The following MYPN variants were observed in gnomAD, a reference collection of about 807,000 sequenced individuals.
MYPN encodes the protein myopalladin.
Under a neutral mutation model 129.4 loss-of-function variants are expected in MYPN, and 63 were observed. The observed-to-expected ratio is 0.49, with a 90% CI of 0.40 to 0.60. MYPN has a LOEUF of 0.60. Among genes scored for constraint, MYPN ranks in the 20% least tolerant of loss-of-function variants. MYPN has a pLI of 0.00. For missense variants in MYPN, 1,596 were observed against 1,635.4 expected, an observed-to-expected ratio of 0.98 and a Z score of 0.42; for synonymous variants, 629 against 600.9, an observed-to-expected ratio of 1.05 and a Z score of -0.68.
chr10:68,203,718 C>CAG (rs1338807696), intron 18 of MYPN, among the ~76,000 whole-genome samples: 24 of 69,348 alleles, frequency 3.5e-4, no homozygotes, highest in African/African-American at 6.4e-4. Context: ...CACATACACA[C>CAG]ACAGAGAGAG....
intron 1 of MYPN, among the ~76,000 whole-genome samples, chr10:68,114,481 T>C (rs1363807057): frequency 6.6e-6 from 1 of 152,056 alleles, no homozygotes; most frequent in East Asian, 1.9e-4. Context: ...CCCAGGTAAC[T>C]GGGATTACAG....
intron 3 of MYPN, among the ~76,000 whole-genome samples, chr10:68,145,066 C>T (rs2134074716): frequency 6.6e-6 from 1 of 151,596 alleles, no homozygotes. Context: ...CTTTTGTTGC[C>T]CAGGCTGGAG....
intron 2 of MYPN, among the ~76,000 whole-genome samples, chr10:68,135,101 G>A (rs578030350): frequency 2.0e-5 from 3 of 151,940 alleles, no homozygotes; most frequent in Admixed American, 6.5e-5. Context: ...ACAGGCACGC[G>A]CTACCATGCC....
chr10:68,185,468 C>T (rs1051093465), intron 12 of MYPN, among the ~76,000 whole-genome samples: 9 of 152,110 alleles, frequency 5.9e-5, no homozygotes, highest in Admixed American at 4.6e-4. Flanking sequence ...CCAACACCCC[C>T]TGCCACGTAC....
chr10:68,158,490 T>C lies in MYPN; in HGVS notation c.1322T>C (p.Leu441Pro), dbSNP rs751665632. ...IIAAPVFTKM[L>P]QNLSASEGQL... ...ACATTCTTCTTATCATTATAGATGC[T>C]ACAAAATTTGTCAGCTTCTGAGGGT... Residue 441 changes from leucine to proline, a missense_variant, in exon 7 of 20, where the codon CTA becomes CCA. Transcript: ENST00000358913. The C allele has an allele frequency of 1.2e-6, 2 of 1,613,830 alleles. No individual in the cohort carries two copies. Among genetic ancestry groups the C allele is most frequent in the Admixed American group, 3.3e-5 (2 of 60,014 alleles).
chr10:68,136,333 C>T (rs1182533280), intron 2 of MYPN: 1 of 950,126 alleles, frequency 1.1e-6, no homozygotes, highest in Non-Finnish European at 1.3e-6. Flanking sequence ...TCTATTGAGC[C>T]ATGAATCATG....
chr10:68,134,569 G>T (rs1200339496), intron 2 of MYPN, among the ~76,000 whole-genome samples: 4 of 152,154 alleles, frequency 2.6e-5, no homozygotes, highest in African/African-American at 7.2e-5. Flanking sequence ...GGCTGAGGCG[G>T]GTGGATCACG....
chr10:68,126,844 T>G, intron 2 of MYPN, among the ~76,000 whole-genome samples: 1 of 152,058 alleles, frequency 6.6e-6, no homozygotes, highest in Non-Finnish European at 1.5e-5. Context: ...GAAAGTCAGA[T>G]GAGAGAGTAG....
At position 68,195,549 on chromosome 10, in the gene MYPN, T is replaced by A. The variant is rs371934008; in HGVS notation, c.3158+17T>A. On this transcript the variant is annotated intron_variant, in intron 15 of 19. Transcript: ENST00000358913. ...GTCTCACAGGTAAAGACAGTAAGAATTCCCCCTCTCTAGGCCCTTCCCAAG... is the reference window on the plus strand; with the variant it reads ...GTCTCACAGGTAAAGACAGTAAGAAATCCCCCTCTCTAGGCCCTTCCCAAG... 3.1e-6 allele frequency: 5 copies of A among 1,608,294 alleles called. No homozygotes were observed. Among genetic ancestry groups the A allele is most frequent in the South Asian group, 1.1e-5 (1 of 90,970 alleles).
chr10:68,146,807 A>G (rs2042674047), intron 4 of MYPN, among the ~76,000 whole-genome samples: 1 of 152,232 alleles, frequency 6.6e-6, no homozygotes, highest in Admixed American at 6.5e-5. Context: ...TCCCATAACC[A>G]GAAAGTACCC....
upstream of MYPN, among the ~76,000 whole-genome samples, chr10:68,102,755 A>G (rs2041987984): frequency 6.6e-6 from 1 of 152,210 alleles, no homozygotes; most frequent in African/African-American, 2.4e-5. Flanking sequence ...CTTAACTACA[A>G]TTAAAAAAAA....
chr10:68,173,011 T>G (rs1454045632), intron 10 of MYPN, among the ~76,000 whole-genome samples: 2 of 152,062 alleles, frequency 1.3e-5, no homozygotes, highest in Non-Finnish European at 2.9e-5. Flanking sequence ...AGGCAGAGGT[T>G]GCAGTGAGCC....
chr10:68,106,051 C>T (rs894053115), upstream of MYPN: 4 of 440,238 alleles, frequency 9.1e-6, no homozygotes, highest in African/African-American at 8.1e-5. Context: ...TGTAAATACC[C>T]TTCATTACTC....
At chr10:68,145,372 T>G in intron 3 of MYPN, 103 bp from the exon 4 acceptor site, 1 of 907,856 alleles carries the variant, frequency 1.1e-6, no homozygotes, top group Non-Finnish European at 1.8e-6. Context: ...TATTTAGGAA[T>G]CAGGTAAACA....
chr10:68,146,961 A>G (rs1374371231), intron 4 of MYPN, among the ~76,000 whole-genome samples: 2 of 152,170 alleles, frequency 1.3e-5, no homozygotes, highest in African/African-American at 4.8e-5. Context: ...TTAGCACATC[A>G]TTCTGCTTGA....
intron 12 of MYPN, among the ~76,000 whole-genome samples, chr10:68,181,472 T>C (rs10997988): frequency 0.052 from 7,924 of 151,954 alleles, 239 homozygotes; most frequent in Middle Eastern, 0.062. Context: ...GTATTTGTAG[T>C]AGAGATGGGG....
chr10:68,128,304 C>T (rs2042356675), intron 2 of MYPN, among the ~76,000 whole-genome samples: 1 of 152,164 alleles, frequency 6.6e-6, no homozygotes, highest in Non-Finnish European at 1.5e-5. Flanking sequence ...ACAACCTTTC[C>T]AGGCAGCACA....
At chr10:68,175,537 A>T (rs1340838923) in intron 12 of MYPN, 76 bp downstream of exon 12, 14 of 1,522,878 alleles carry the variant, frequency 9.2e-6, no homozygotes, top group Non-Finnish European at 1.2e-5. Context: ...CAGTCCTCGG[A>T]TACTCAGGTA....
intron 2 of MYPN, among the ~76,000 whole-genome samples, chr10:68,124,810 G>T (rs2042301259): frequency 6.6e-6 from 1 of 152,252 alleles, no homozygotes; most frequent in Non-Finnish European, 1.5e-5. Flanking sequence ...GTAGCAAAGG[G>T]TTGGAACTGA....
Sources: allele counts gnomAD v4.1 joint callset (sites outside exome capture counted in the v4.1 genomes callset), GRCh38; gene constraint gnomAD v4.1.1; transcripts MANE v1.5; gene names NCBI Gene and HGNC (gene_info 2026-07-23, HGNC 2026-07-21).